The following PTPRN2 variants were observed in gnomAD, a reference collection of about 807,000 sequenced individuals.
The protein encoded by PTPRN2 is receptor-type tyrosine-protein phosphatase N2.
In PTPRN2, 74 loss-of-function variants were observed where a neutral mutation model predicts 118.8. The ratio of observed to expected loss-of-function variants is 0.62; its 90% CI spans 0.52 to 0.76. The LOEUF is 0.76. Among genes scored for constraint, PTPRN2 ranks in the 30% least tolerant of loss-of-function variants. The probability of loss-of-function intolerance (pLI) is 0.00; values close to 1 mark genes in which losing one functional copy is unlikely to be tolerated. For missense variants in PTPRN2, 1,481 were observed against 1,394.4 expected (o/e 1.06, Z -0.99); for synonymous variants, 641 against 608.0 (o/e 1.05, Z -0.80).
At chr7:158,554,310 C>T (rs1370288008) in intron 1 of PTPRN2, among the ~76,000 whole-genome samples, 1 of 152,190 alleles carries the variant, frequency 6.6e-6, no homozygotes, top group Non-Finnish European at 1.5e-5. Flanking sequence ...AGAGAGGGTC[C>T]TTGTGCAACT....
chr7:158,424,600 T>C (rs1031479070), intron 2 of PTPRN2, among the ~76,000 whole-genome samples: 7 of 152,240 alleles, frequency 4.6e-5, no homozygotes, highest in Non-Finnish European at 1.0e-4. Flanking sequence ...GCACGCGTAA[T>C]GCCCAGTGGT....
At position 158,175,057 on chromosome 7, in the gene PTPRN2, G is replaced by A. The variant is rs139012085; in HGVS notation, c.550-7766C>T. ...AGTCCCACATGCCGGGAGACTCTGGGTGGAGGAGACTCCTGTGTGTGCACT... is the reference window on the plus strand; with the variant it reads ...AGTCCCACATGCCGGGAGACTCTGGATGGAGGAGACTCCTGTGTGTGCACT... On this transcript the variant is annotated intron_variant, in intron 5 of 22. Coordinates refer to ENST00000389418, the MANE Select transcript of PTPRN2 (RefSeq NM_002847.5). Among the ~76,000 whole-genome samples the A allele has an allele frequency of 1.8e-3, 275 of 152,350 alleles. 1 individual carries two copies. The highest frequency in any genetic ancestry group is 2.7e-3 in the Non-Finnish European group (184 of 68,038).
At chr7:158,154,567 T>C (rs1585662727) in intron 6 of PTPRN2, among the ~76,000 whole-genome samples, 1 of 152,282 alleles carries the variant, frequency 6.6e-6, no homozygotes. Context: ...TGCCCTGAAA[T>C]AAAACTTCAT....
chr7:157,648,067 C>A (rs1319660318), intron 14 of PTPRN2, among the ~76,000 whole-genome samples: 1 of 60,154 alleles, frequency 1.7e-5, no homozygotes. Context: ...GACCCATTCG[C>A]TGTGCACTGA....
chr7:158,521,823 CGTCACAATGGTGGACTGTCCGGGTAG>C (rs1824111503), intron 1 of PTPRN2, among the ~76,000 whole-genome samples: 1 of 68,790 alleles, frequency 1.5e-5, no homozygotes, highest in Non-Finnish European at 3.0e-5. Context: ...GGGAGGTCCA[CGTCACAATGGTGGACTGTCCGGGTAG>C]TGGCTCGGGA....
rs558587143 is a variant in PTPRN2, at chr7:157,674,994, C to A, written c.2001+7731G>T. ...ACAGGCAGGGAGTGGGGAGACCCAG[C>A]CTTCAAGCACAGCGCCCCTTGGGTG... On this transcript the variant is annotated intron_variant, in intron 13 of 22. Coordinates refer to ENST00000389418, the MANE Select transcript of PTPRN2 (RefSeq NM_002847.5). This position sits in a 1 kb window ranked among gnomAD's most constrained non-coding sequence, Gnocchi z 4.5. 5.3e-5 allele frequency among the ~76,000 whole-genome samples: 8 copies of A among 152,338 alleles called. No homozygotes were observed. Among genetic ancestry groups the A allele is most frequent in the Non-Finnish European group, 7.4e-5 (5 of 68,020 alleles).
chr7:157,656,263 C>A, intron 14 of PTPRN2, 94 bp downstream of exon 14: 2 of 1,325,284 alleles, frequency 1.5e-6, no homozygotes, highest in Non-Finnish European at 2.1e-6. Context: ...GCCCAGTCCC[C>A]GAGGGTCAGC....
At chr7:158,450,811 T>A (rs1476602526) in intron 2 of PTPRN2, among the ~76,000 whole-genome samples, 1 of 152,182 alleles carries the variant, frequency 6.6e-6, no homozygotes, top group Non-Finnish European at 1.5e-5. Context: ...CCTACGCGCT[T>A]CCTTGCGCAT....
chr7:157,885,944 C>T (rs1046151808), intron 12 of PTPRN2, among the ~76,000 whole-genome samples: 8 of 152,176 alleles, frequency 5.3e-5, no homozygotes, highest in African/African-American at 1.2e-4. Context: ...CGGGAGGGGG[C>T]GAGCATCACA....
At chr7:158,513,171 G>C (rs2129447187) in intron 1 of PTPRN2, among the ~76,000 whole-genome samples, 1 of 152,316 alleles carries the variant, frequency 6.6e-6, no homozygotes, top group South Asian at 2.1e-4. Context: ...GGCGCACACT[G>C]AGTGTGTGGC....
Position 157,964,843 on chromosome 7 carries a change from C to T in PTPRN2, c.1724-66106G>A, listed in dbSNP as rs551837702. Among the ~76,000 whole-genome samples the T allele has an allele frequency of 6.6e-6, 1 of 152,330 alleles. No individual in the cohort carries two copies. Among genetic ancestry groups the T allele is most frequent in the East Asian group, 1.9e-4 (1 of 5,182 alleles). ...GTTCTTTCGACGATCCTCCTCTTGC[C>T]CCAATTTCTCCACCGCACAGACTCG... is the stretch of plus-strand genomic sequence containing the variant. On this transcript the variant is annotated intron_variant, in intron 11 of 22. Transcript: ENST00000389418. This position sits in a 1 kb window ranked among gnomAD's most constrained non-coding sequence, Gnocchi z 9.0.
At chr7:157,626,137 C>G (rs2150655999) in intron 14 of PTPRN2, among the ~76,000 whole-genome samples, 2 of 152,354 alleles carry the variant, frequency 1.3e-5, no homozygotes, top group East Asian at 3.9e-4. Context: ...AAGCCTGAGC[C>G]TGGCCTCTGA....
chr7:158,425,372 G>T (rs976280369), intron 2 of PTPRN2, among the ~76,000 whole-genome samples: 1 of 110,888 alleles, frequency 9.0e-6, no homozygotes, highest in Non-Finnish European at 1.8e-5. Context: ...CGGTGTCCGA[G>T]TCCAGCCTAG....
intron 2 of PTPRN2, among the ~76,000 whole-genome samples, chr7:158,483,602 G>C (rs1164732742): frequency 6.6e-6 from 1 of 152,184 alleles, no homozygotes; most frequent in Non-Finnish European, 1.5e-5. Flanking sequence ...TCTGCTTTGT[G>C]CCCAGATGGT....
intron 9 of PTPRN2, among the ~76,000 whole-genome samples, chr7:158,129,898 C>T (rs751262437): frequency 5.9e-5 from 9 of 152,202 alleles, no homozygotes; most frequent in African/African-American, 9.6e-5. Flanking sequence ...ACACGTGGGA[C>T]GCCTCCTCCA....
At chr7:158,490,811 G>T (rs905071293) in intron 1 of PTPRN2, among the ~76,000 whole-genome samples, 2 of 152,236 alleles carry the variant, frequency 1.3e-5, no homozygotes, top group African/African-American at 4.8e-5. Flanking sequence ...GGGCTGCCCA[G>T]GCGTCCTTTT....
chr7:158,482,598 C>T (rs139265094), intron 2 of PTPRN2, among the ~76,000 whole-genome samples: 53 of 152,272 alleles, frequency 3.5e-4, no homozygotes, highest in Non-Finnish European at 6.6e-4. Context: ...TAGACCACAG[C>T]CTAGTAAAAT....
chr7:157,982,605 A>T (rs1425694164), intron 11 of PTPRN2, among the ~76,000 whole-genome samples: 1 of 127,648 alleles, frequency 7.8e-6, no homozygotes, highest in South Asian at 3.0e-4. Context: ...TGCAGAGTGC[A>T]GGGTCCCCCC....
At chr7:158,051,660 T>A (rs1366786851) in intron 11 of PTPRN2, among the ~76,000 whole-genome samples, 1 of 152,252 alleles carries the variant, frequency 6.6e-6, no homozygotes. Context: ...TTGGTGACGT[T>A]CAGCACTGAT....
Sources: allele counts gnomAD v4.1 joint callset (sites outside exome capture counted in the v4.1 genomes callset), GRCh38; gene constraint gnomAD v4.1.1; non-coding constraint Gnocchi (gnomAD v3.1); transcripts MANE v1.5; gene names NCBI Gene and HGNC (gene_info 2026-07-23, HGNC 2026-07-21).